The following EFR3B variants were observed in gnomAD, a reference collection of about 807,000 sequenced individuals.
EFR3B encodes protein EFR3 homolog B.
Under a neutral mutation model 104.7 loss-of-function variants are expected in EFR3B, and 64 were observed. The ratio of observed to expected loss-of-function variants is 0.61; its 90% CI spans 0.50 to 0.75. EFR3B has a LOEUF of 0.75. EFR3B is among the 30% of genes least tolerant of loss of function. The pLI is 0.00. For missense variants in EFR3B, 750 were observed against 1,078.5 expected (o/e 0.70, Z 4.27); for synonymous variants, 385 against 417.9 (o/e 0.92, Z 0.96).
intron 4 of EFR3B, among the ~76,000 whole-genome samples, chr2:25,107,073 G>T (rs1352320834): frequency 1.3e-5 from 2 of 152,178 alleles, no homozygotes; most frequent in African/African-American, 4.8e-5. Flanking sequence ...ATTTGTCTGT[G>T]CTCACACAGC....
intron 1 of EFR3B, among the ~76,000 whole-genome samples, chr2:25,043,931 T>C (rs1381259468): frequency 2.6e-5 from 4 of 152,150 alleles, no homozygotes; most frequent in Non-Finnish European, 5.9e-5. Context: ...CTGGGCTGCC[T>C]CATTGCATTT....
chr2:25,141,580 G>A lies in EFR3B; in HGVS notation c.1922+147G>A, dbSNP rs1002440539. 6.5e-6 allele frequency: 5 copies of A among 769,802 alleles called. No individual in the cohort carries two copies. The African/African-American group carries it at 7.1e-5, about 11-fold the overall frequency. The allele number at this position is 769,802 out of a possible 1,614,324, so 47.7% of individuals were successfully genotyped here. ...AAGGTGGGCTCTGCCTGTGGTCCAG[G>A]AGTCCTGGGTAAAGTTCAACCCCAT... On this transcript the variant is annotated intron_variant, in intron 17 of 22. Transcript: ENST00000403714.
At chr2:25,084,055 T>C (rs1668881972) in intron 1 of EFR3B, among the ~76,000 whole-genome samples, 1 of 150,722 alleles carries the variant, frequency 6.6e-6, no homozygotes, top group Admixed American at 6.6e-5. Context: ...GGGGTTCAGA[T>C]TCTAGTCTGC....
Position 25,042,613 on chromosome 2 carries a change from G to C in EFR3B, c.7+294G>C. ...CGGGTCTCCCGGAGCCGAGCAGACC[G>C]GGAGTGCTGGAGGAGGTGGTCGTGT... is the stretch of plus-strand genomic sequence containing the variant. On this transcript the variant is annotated intron_variant, in intron 1 of 22. Transcript: ENST00000403714. The surrounding 1 kb of genome is among the most constrained non-coding windows in gnomAD (Gnocchi z 5.4). 1.7e-6 allele frequency: 2 copies of C among 1,176,140 alleles called. No individual in the cohort carries two copies. The highest frequency in any genetic ancestry group is 2.1e-6 in the Non-Finnish European group (2 of 952,616). The allele number at this position is 1,176,140 out of a possible 1,614,324, so 72.9% of individuals were successfully genotyped here.
chr2:25,130,505 A>G lies in EFR3B; in HGVS notation c.771-47A>G, dbSNP rs1452906771. On this transcript the variant is annotated intron_variant, in intron 7 of 22. Coordinates refer to ENST00000403714, the MANE Select transcript of EFR3B (RefSeq NM_014971.2). The surrounding 1 kb of genome is among the most constrained non-coding windows in gnomAD (Gnocchi z 4.6). ...TCCAAGCTAATCTCTTCTCCCTAACACTGCCGGGAGTTTCATAGTTGTTCC... is the reference window on the plus strand; with the variant it reads ...TCCAAGCTAATCTCTTCTCCCTAACGCTGCCGGGAGTTTCATAGTTGTTCC... 1 of 1,467,094 alleles carries G rather than the reference A, an allele frequency of 6.8e-7. No homozygotes were observed. Among genetic ancestry groups the G allele is most frequent in the South Asian group, 1.2e-5 (1 of 82,294 alleles). 90.9% of individuals were successfully genotyped at this position (1,467,094 alleles called of 1,614,324 possible).
chr2:25,101,968 G>C (rs527256751), intron 3 of EFR3B, among the ~76,000 whole-genome samples: 274 of 152,302 alleles, frequency 1.8e-3, no homozygotes, highest in Non-Finnish European at 2.9e-3. Flanking sequence ...TGTAAGTGAA[G>C]GATGTATGTT....
In EFR3B at chr2:25,157,676, T is replaced by C. The variant is rs1443356627; in HGVS notation, c.*3336T>C. The C allele has an allele frequency of 6.6e-6, 1 of 152,260 alleles. No individual in the cohort carries two copies. The highest frequency in any genetic ancestry group is 1.5e-5 in the Non-Finnish European group (1 of 68,120). 9.4% of individuals were successfully genotyped at this position (152,260 alleles called of 1,614,324 possible). ...ATTTGAGATTTGGAAGTACTGTTAA[T>C]TTGGTGGAGTCAGGTGAATGGATAA... On this transcript the variant is annotated 3_prime_UTR_variant, in exon 23 of 23. Coordinates refer to ENST00000403714, the MANE Select transcript of EFR3B (RefSeq NM_014971.2).
intron 4 of EFR3B, among the ~76,000 whole-genome samples, chr2:25,119,434 G>A (rs1669955411): frequency 2.0e-5 from 3 of 152,238 alleles, no homozygotes; most frequent in Non-Finnish European, 2.9e-5. Flanking sequence ...CTTAACTTCA[G>A]CCAAACGTGG....
chr2:25,142,880 T>C (rs1337487798), intron 17 of EFR3B, among the ~76,000 whole-genome samples: 1 of 150,210 alleles, frequency 6.7e-6, no homozygotes, highest in African/African-American at 2.5e-5. Context: ...TGTAGTGTGC[T>C]ATGATGGTGC....
At chr2:25,076,216 G>A (rs1203504021) in intron 1 of EFR3B, among the ~76,000 whole-genome samples, 1 of 152,048 alleles carries the variant, frequency 6.6e-6, no homozygotes, top group East Asian at 1.9e-4. Flanking sequence ...TCTTAATAGC[G>A]ATTGGTACTT....
intron 1 of EFR3B, among the ~76,000 whole-genome samples, chr2:25,062,633 G>A (rs1409059239): frequency 1.3e-5 from 2 of 152,184 alleles, no homozygotes; most frequent in African/African-American, 2.4e-5. Flanking sequence ...GGTCAGGGCC[G>A]CAGGCTACTA....
chr2:25,112,284 C>T (rs972632574), intron 4 of EFR3B, among the ~76,000 whole-genome samples: 1 of 152,272 alleles, frequency 6.6e-6, no homozygotes, highest in African/African-American at 2.4e-5. Flanking sequence ...TGGTGTTCCC[C>T]GAGGTCTGTG....
intron 4 of EFR3B, among the ~76,000 whole-genome samples, chr2:25,118,258 GGCGT>G (rs1421705013): frequency 1.3e-5 from 2 of 152,234 alleles, no homozygotes; most frequent in Admixed American, 1.3e-4. Flanking sequence ...TAGGATTACA[GGCGT>G]GAGTCACTGC....
chr2:25,127,862 A>C lies in EFR3B; in HGVS notation c.486-321A>C, dbSNP rs1259514606. Among the ~76,000 whole-genome samples, 5 of 152,198 alleles carry C rather than the reference A, an allele frequency of 3.3e-5. No individual in the cohort carries two copies. In the South Asian group the frequency reaches 1.0e-3, roughly 32 times the overall value. On this transcript the variant is annotated intron_variant, in intron 5 of 22. Transcript: ENST00000403714. Reference sequence around the variant, plus strand: ...TCTTGGCAGCGTTTTGAGCTCTTACATCTTGGGCCCAAGCTGGAACAACCC... The same window carrying C: ...TCTTGGCAGCGTTTTGAGCTCTTACCTCTTGGGCCCAAGCTGGAACAACCC...
At chr2:25,056,530 TG>T (rs1328454123) in intron 1 of EFR3B, among the ~76,000 whole-genome samples, 2 of 151,294 alleles carry the variant, frequency 1.3e-5, no homozygotes, top group East Asian at 3.9e-4. Context: ...AGCAGCCAGC[TG>T]GAATGTTCCT....
Position 25,130,040 on chromosome 2 carries a change from G to A in EFR3B, c.701G>A (p.Arg234Lys), listed in dbSNP as rs894900083. ...EKESPAELAE[R>K]CLRELLGRAA... Reference sequence around the variant, plus strand: ...GAGAGCCCCGCGGAGCTGGCTGAGAGGTGTCTTCGGGAGCTGCTGGGCCGG... The same window carrying A: ...GAGAGCCCCGCGGAGCTGGCTGAGAAGTGTCTTCGGGAGCTGCTGGGCCGG... Residue 234 changes from arginine (R) to lysine (K), a missense_variant, in exon 7 of 23, where the codon AGG (arginine) becomes AAG (lysine). Coordinates refer to ENST00000403714, the MANE Select transcript of EFR3B (RefSeq NM_014971.2). The surrounding 1 kb of genome is among the most constrained non-coding windows in gnomAD (Gnocchi z 4.6). 6.4e-7 allele frequency: 1 copy of A among 1,551,786 alleles called. No individual in the cohort carries two copies. Among genetic ancestry groups the A allele is most frequent in the Non-Finnish European group, 8.7e-7 (1 of 1,147,024 alleles).
At chr2:25,148,905 G>A (rs1284343753) in intron 19 of EFR3B, among the ~76,000 whole-genome samples, 1 of 118,346 alleles carries the variant, frequency 8.4e-6, no homozygotes, top group Non-Finnish European at 1.6e-5. Flanking sequence ...CTGGGTGACA[G>A]AGCGAGACTC....
At position 25,136,640 on chromosome 2, in the gene EFR3B, G is replaced by A. The variant is rs886486284; in HGVS notation, c.1560+42G>A. On this transcript the variant is annotated intron_variant, in intron 14 of 22. Transcript: ENST00000403714. This position sits in a 1 kb window ranked among gnomAD's most constrained non-coding sequence, Gnocchi z 4.0. ...TCCAGGCACAGTGAAGGGCGGGCAC[G>A]GTGGCTCACGCCTGCAATCCCAGCA... 5.7e-5 allele frequency: 86 copies of A among 1,515,326 alleles called. No homozygotes were observed. Among genetic ancestry groups the A allele is most frequent in the East Asian group, 1.2e-4 (5 of 40,676 alleles). 93.9% of individuals were successfully genotyped at this position (1,515,326 alleles called of 1,614,324 possible). A position where few individuals can be genotyped will look rare whatever the true frequency, so the allele number is the denominator to read the frequency against.
intron 1 of EFR3B, among the ~76,000 whole-genome samples, chr2:25,059,829 C>G (rs1668136676): frequency 7.1e-6 from 1 of 139,998 alleles, no homozygotes; most frequent in African/African-American, 2.7e-5. Flanking sequence ...GAGCCAAGAT[C>G]GCGCCATTGC....
Sources: allele counts gnomAD v4.1 joint callset (sites outside exome capture counted in the v4.1 genomes callset), GRCh38; gene constraint gnomAD v4.1.1; non-coding constraint Gnocchi (gnomAD v3.1); transcripts MANE v1.5; gene names NCBI Gene and HGNC (gene_info 2026-07-23, HGNC 2026-07-21).